ZNG1E: variants seen among roughly 807,000 people sequenced by gnomAD.
The protein encoded by ZNG1E is Zn regulated GTPase metalloprotein activator 1E.
chr9:65,684,605 T>G, the ZNG1E span, among the ~76,000 whole-genome samples: 6 of 151,572 alleles, frequency 4.0e-5, no homozygotes, highest in Admixed American at 3.3e-4. Context: ...TAAATTTTAT[T>G]CCAGGGATCT....
chr9:65,707,039 C>T, the ZNG1E span: 1 of 116,520 alleles, frequency 8.6e-6, no homozygotes, highest in African/African-American at 3.8e-5. Context: ...GAGACAGAAT[C>T]TCACTGTGTC....
the ZNG1E span, among the ~76,000 whole-genome samples, chr9:65,664,244 C>T: frequency 0.048 from 4,965 of 103,032 alleles, no homozygotes; most frequent in Admixed American, 0.069. Context: ...TTAATCTAAA[C>T]GGGATTTTTT....
the ZNG1E span, among the ~76,000 whole-genome samples, chr9:65,675,147 T>C: frequency 6.6e-6 from 1 of 152,072 alleles, no homozygotes; most frequent in Non-Finnish European, 1.5e-5. Flanking sequence ...TACTATCTTA[T>C]GGGGCAGGCT....
chr9:65,714,704 C>A, the ZNG1E span, among the ~76,000 whole-genome samples: 1 of 151,286 alleles, frequency 6.6e-6, no homozygotes, highest in African/African-American at 2.5e-5. Context: ...AGGGGGTGAC[C>A]TCCCAGGGGG....
the ZNG1E span, among the ~76,000 whole-genome samples, chr9:65,664,249 T>C: frequency 1.3e-4 from 19 of 151,682 alleles, no homozygotes; most frequent in African/African-American, 4.1e-4. Flanking sequence ...CTAAACGGGA[T>C]TTTTTTTGGG....
At chr9:65,665,422 C>G in the ZNG1E span, among the ~76,000 whole-genome samples, 1 of 152,270 alleles carries the variant, frequency 6.6e-6, no homozygotes, top group African/African-American at 2.4e-5. Context: ...GGCTTTGAGC[C>G]TGCGGGTGCA....
the ZNG1E span, among the ~76,000 whole-genome samples, chr9:65,713,144 G>T: frequency 1.6e-5 from 2 of 122,190 alleles, no homozygotes; most frequent in East Asian, 2.5e-4. Context: ...TTTGTTGGTT[G>T]AAAGTCTGTT....
At chr9:65,687,794 C>CTT in the ZNG1E span, among the ~76,000 whole-genome samples, 1 of 129,540 alleles carries the variant, frequency 7.7e-6, no homozygotes, top group Non-Finnish European at 1.7e-5. Flanking sequence ...CTTGAAGGCA[C>CTT]TTTTTTTTTT....
chr9:65,662,502 A>G, the ZNG1E span, among the ~76,000 whole-genome samples: 1 of 152,078 alleles, frequency 6.6e-6, no homozygotes, highest in Non-Finnish European at 1.5e-5. Context: ...AGCACAGTGA[A>G]GGGTATATGG....
At chr9:65,688,075 T>G in the ZNG1E span, among the ~76,000 whole-genome samples, 1 of 151,700 alleles carries the variant, frequency 6.6e-6, no homozygotes, top group Non-Finnish European at 1.5e-5. Flanking sequence ...CTTTTACCTT[T>G]GCATTTACTG....
chr9:65,663,932 A>G, the ZNG1E span, among the ~76,000 whole-genome samples: 1 of 152,234 alleles, frequency 6.6e-6, no homozygotes, highest in Non-Finnish European at 1.5e-5. Flanking sequence ...CATCACAAAC[A>G]TATTGCTTCC....
chr9:65,656,300 AT>A, the ZNG1E span, among the ~76,000 whole-genome samples: 22 of 141,212 alleles, frequency 1.6e-4, no homozygotes, highest in African/African-American at 5.8e-4. Flanking sequence ...TAAAGGGATT[AT>A]TTTTTTAAGG....
At chr9:65,666,706 G>T in the ZNG1E span, among the ~76,000 whole-genome samples, 1 of 148,270 alleles carries the variant, frequency 6.7e-6, no homozygotes, top group African/African-American at 2.5e-5. Context: ...GTCACCATCT[G>T]TAGCTTGTAT....
the ZNG1E span, among the ~76,000 whole-genome samples, chr9:65,672,299 GA>G: frequency 0.01 from 1,561 of 151,748 alleles, no homozygotes; most frequent in Non-Finnish European, 0.016. Flanking sequence ...TAAAGTAAAT[GA>G]GACAAAATAG....
chr9:65,681,001 G>T, the ZNG1E span, among the ~76,000 whole-genome samples: 2 of 152,140 alleles, frequency 1.3e-5, no homozygotes, highest in Admixed American at 1.3e-4. Context: ...TGTTAGCGAG[G>T]GTGGTCTCGA....
the ZNG1E span, among the ~76,000 whole-genome samples, chr9:65,710,473 T>A: frequency 4.0e-5 from 6 of 151,164 alleles, no homozygotes; most frequent in East Asian, 5.8e-4. Flanking sequence ...TCTTCTAGGG[T>A]TTTTATGGTT....
At chr9:65,684,681 G>A in the ZNG1E span, among the ~76,000 whole-genome samples, 1 of 152,096 alleles carries the variant, frequency 6.6e-6, no homozygotes, top group Non-Finnish European at 1.5e-5. Context: ...GAGCTTGTTA[G>A]AAATGCAAAT....
At chr9:65,722,705 T>A in the ZNG1E span, among the ~76,000 whole-genome samples, 4 of 134,576 alleles carry the variant, frequency 3.0e-5, no homozygotes, top group African/African-American at 1.1e-4. Flanking sequence ...TAATTTTTTT[T>A]TTTTTTTTTT....
chr9:65,714,248 T>C, the ZNG1E span, among the ~76,000 whole-genome samples: 1 of 149,398 alleles, frequency 6.7e-6, no homozygotes, highest in Admixed American at 6.7e-5. Flanking sequence ...ATTCTAGTTA[T>C]ACATTCTTCA....
Sources: allele counts gnomAD v4.1 joint callset (sites outside exome capture counted in the v4.1 genomes callset), GRCh38; gene constraint gnomAD v4.1.1; transcripts MANE v1.5; gene names NCBI Gene and HGNC (gene_info 2026-07-23, HGNC 2026-07-21).